The following MACF1 variants were observed in gnomAD, a reference collection of about 807,000 sequenced individuals.
The protein encoded by MACF1 is microtubule-actin cross-linking factor 1.
MACF1 carries 193 observed loss-of-function variants against 854.8 expected under a neutral mutation model. The observed-to-expected ratio is 0.23, with a 90% CI of 0.20 to 0.25. The LOEUF is 0.25. Ranked by LOEUF, MACF1 falls within the 10% of genes least tolerant of loss-of-function variation. The pLI, the probability that MACF1 is intolerant of heterozygous loss-of-function variation, is 1.00. For missense variants in MACF1, 7,722 were observed against 8,929.1 expected, an observed-to-expected ratio of 0.86 and a Z score of 5.45; for synonymous variants, 3,185 against 3,226.7, an observed-to-expected ratio of 0.99 and a Z score of 0.44.
At position 39,397,158 on chromosome 1, in the gene MACF1, CAGAT is replaced by C. The variant is rs547004231; in HGVS notation, c.15816+8503_15816+8506del. Among the ~76,000 whole-genome samples, 427 of 152,222 alleles carry C rather than the reference CAGAT, an allele frequency of 2.8e-3. 1 individual carries two copies. Among genetic ancestry groups the C allele is most frequent in the Non-Finnish European group, 5.0e-3 (341 of 68,012 alleles). On this transcript the variant is annotated intron_variant, in intron 58 of 100. Transcript: ENST00000564288. ...GTCCTTGTGGTGGGTACTGGAGTCT[CAGAT>C]AGTCTCTAGTTAACAGTGTACAGAT... is the stretch of plus-strand genomic sequence containing the variant.
At chr1:39,179,716 A>G (rs1438430436) in intron 2 of MACF1, among the ~76,000 whole-genome samples, 4 of 152,154 alleles carry the variant, frequency 2.6e-5, no homozygotes, top group Admixed American at 6.5e-5. Flanking sequence ...TTTATATATT[A>G]TAGTTTAAAG....
In MACF1 at chr1:39,335,872, G is replaced by C. The variant is rs534606541; in HGVS notation, c.9284G>C (p.Cys3095Ser). ...PEENLSREIA[C>S]GAQSEPFPCM... Reference sequence around the variant, plus strand: ...GAAAACTTATCTCGAGAAATTGCCTGTGGGGCCCAGAGTGAACCATTCCCT... The same window carrying C: ...GAAAACTTATCTCGAGAAATTGCCTCTGGGGCCCAGAGTGAACCATTCCCT... Residue 3095 changes from cysteine (C) to serine (S), a missense_variant, in exon 37 of 101, where the codon TGT becomes TCT. This residue lies in a region of MACF1 where 854 missense variants were observed against 852.6 expected (regional missense o/e 1.00). Coordinates refer to ENST00000564288, the MANE Select transcript of MACF1 (RefSeq NM_001394062.1). 1 of 1,614,072 alleles carries C rather than the reference G, an allele frequency of 6.2e-7. No homozygotes were observed. Among genetic ancestry groups the C allele is most frequent in the East Asian group, 2.2e-5 (1 of 44,876 alleles).
rs1298452452 is a variant in MACF1, at chr1:39,331,658, GTCTTA to G, written c.5076_5080del (p.Tyr1692Ter). On this transcript the variant is annotated frameshift_variant, in exon 37 of 101. Coordinates refer to ENST00000564288, the MANE Select transcript of MACF1 (RefSeq NM_001394062.1). LOFTEE classifies it high-confidence loss of function. Reference sequence around the variant, plus strand: ...CTGCATGGCTTCATTCAGTATTAGAGTCTTATCTTAGAACATCCAAGAATTTGATA... The same window carrying G: ...CTGCATGGCTTCATTCAGTATTAGAGTCTTAGAACATCCAAGAATTTGATA... 1.2e-6 allele frequency: 2 copies of G among 1,614,100 alleles called. No individual in the cohort carries two copies. Among genetic ancestry groups the G allele is most frequent in the Non-Finnish European group, 1.7e-6 (2 of 1,180,026 alleles).
chr1:39,375,226 T>C (rs545113901), intron 52 of MACF1, among the ~76,000 whole-genome samples: 1 of 152,302 alleles, frequency 6.6e-6, no homozygotes, highest in South Asian at 2.1e-4. Flanking sequence ...AGTAAGAATA[T>C]TGAGACTAAC....
chr1:39,377,050 G>A (rs1029341548), intron 52 of MACF1, among the ~76,000 whole-genome samples: 4 of 151,864 alleles, frequency 2.6e-5, no homozygotes, highest in East Asian at 1.9e-4. Flanking sequence ...TTGCTCTGTC[G>A]CCCAGACTGG....
chr1:39,442,983 G>A, intron 78 of MACF1, 72 bp downstream of exon 78: 1 of 1,448,588 alleles, frequency 6.9e-7, no homozygotes, highest in South Asian at 1.2e-5. Context: ...TCAGAGAGAA[G>A]AGATCAATTT....
intron 33 of MACF1, 92 bp downstream of exon 33, chr1:39,323,100 G>A (rs968477497): frequency 1.6e-6 from 2 of 1,218,576 alleles, no homozygotes; most frequent in Admixed American, 3.4e-5. Flanking sequence ...TGGTACCCAG[G>A]TGGCTGAGTT....
chr1:39,403,694 T>A (rs1318055242), intron 58 of MACF1, among the ~76,000 whole-genome samples: 9 of 152,178 alleles, frequency 5.9e-5, no homozygotes, highest in African/African-American at 2.2e-4. Context: ...GCCCTCTTCC[T>A]CATTTTTACT....
intron 2 of MACF1, 182 bp from the exon 3 acceptor site, chr1:39,249,831 TA>T (rs1645021000): frequency 6.2e-6 from 3 of 481,958 alleles, no homozygotes; most frequent in Non-Finnish European, 1.1e-5. Context: ...ACGTTTCTGG[TA>T]AAGTATTATC....
intron 40 of MACF1, among the ~76,000 whole-genome samples, chr1:39,342,257 C>T (rs1284956772): frequency 6.6e-6 from 1 of 152,050 alleles, no homozygotes. Context: ...GGATAGTATT[C>T]CATAAAATGT....
rs765554683 is a variant in MACF1 at position 39,429,917 on chromosome 1, C to T, written c.16979C>T (p.Thr5660Ile). 6 of 1,614,034 alleles carry T rather than the reference C, an allele frequency of 3.7e-6. No homozygotes were observed. Among genetic ancestry groups the T allele is most frequent in the Middle Eastern group, 1.6e-4 (1 of 6,082 alleles). Reference protein sequence around the residue: ...ITVTSSKALRTLEQARQLATK... With the variant: ...ITVTSSKALRILEQARQLATK... ...GTTACTAGCTCCAAGGCCCTCAGAA[C>T]TTTAGAGCAAGCCCGGCAGCTGGCC... Residue 5660 changes from threonine to isoleucine, a missense_variant, in exon 65 of 101, where the codon ACT becomes ATT. This residue lies in a region of MACF1 where 2,807 missense variants were observed against 3,235.8 expected (regional missense o/e 0.87). Transcript: ENST00000564288.
intron 100 of MACF1, chr1:39,485,298 A>G (rs967789482): frequency 4.0e-6 from 2 of 503,928 alleles, no homozygotes; most frequent in Non-Finnish European, 7.0e-6. Context: ...CTTTGGGGCC[A>G]TGGAAGGTGA....
At position 39,329,316 on chromosome 1, in the gene MACF1, T is replaced by C. The variant is rs1646674868; in HGVS notation, c.4615-1887T>C. On this transcript the variant is annotated intron_variant, in intron 36 of 100. Transcript: ENST00000564288. ...TTCATTTGCTATCCATTCTGTATTC[T>C]TATTGTATGCACCTCATCAAGCTTG... 2.6e-5 allele frequency among the ~76,000 whole-genome samples: 4 copies of C among 152,220 alleles called. 1 individual carries two copies. In the South Asian group the frequency reaches 8.3e-4, roughly 31 times the overall value.
intron 2 of MACF1, among the ~76,000 whole-genome samples, chr1:39,125,731 C>T (rs757152002): frequency 1.3e-5 from 2 of 152,168 alleles, no homozygotes; most frequent in Non-Finnish European, 2.9e-5. Context: ...ATAATTTAGG[C>T]CAGTAATCCC....
chr1:39,297,702 A>G lies in MACF1; in HGVS notation c.2438A>G (p.Asn813Ser), dbSNP rs1245955636. ...SIKRKYSCDH[N>S]TSLSRLEDLL... ...AAACGAAAATATTCCTGTGACCACA[A>G]CACCAGCTTATCCCGCCTTGAAGAC... is the stretch of plus-strand genomic sequence containing the variant. Residue 813 changes from asparagine (N) to serine (S), a missense_variant, in exon 21 of 101, where the codon AAC becomes AGC. Physicochemically the swap from Asn to Ser is conservative, Grantham distance 46. This residue lies in a region of MACF1 where 1,137 missense variants were observed against 1,263.0 expected (regional missense o/e 0.90). Coordinates refer to ENST00000564288, the MANE Select transcript of MACF1 (RefSeq NM_001394062.1). 3.1e-6 allele frequency: 5 copies of G among 1,614,190 alleles called. No homozygotes were observed. In the East Asian group the frequency reaches 6.7e-5, roughly 22 times the overall value.
At chr1:39,253,509 ATTT>A (rs34578005) in intron 4 of MACF1, among the ~76,000 whole-genome samples, 54 of 91,518 alleles carry the variant, frequency 5.9e-4, no homozygotes, top group African/African-American at 2.1e-3. Flanking sequence ...AGCTATCTGT[ATTT>A]TTTTTTTTTT....
chr1:39,200,702 G>GAA (rs968707803), upstream of MACF1, among the ~76,000 whole-genome samples: 1 of 130,840 alleles, frequency 7.6e-6, no homozygotes, highest in Non-Finnish European at 1.7e-5. Flanking sequence ...CCATCTCAGA[G>GAA]AAAAAAAAAA....
At chr1:39,279,016 T>G (rs547054463) in intron 6 of MACF1, among the ~76,000 whole-genome samples, 29 of 152,364 alleles carry the variant, frequency 1.9e-4, no homozygotes, top group African/African-American at 7.0e-4. Context: ...CTGCTTTTGT[T>G]GCTTTAGAAT....
chr1:39,385,048 A>T (rs528459235), intron 56 of MACF1, among the ~76,000 whole-genome samples: 7 of 152,258 alleles, frequency 4.6e-5, no homozygotes, highest in Admixed American at 1.3e-4. Context: ...GCACAATCCA[A>T]CATCAGTTTT....
Sources: gnomAD v4.1 joint callset for allele counts (sites outside exome capture counted in the v4.1 genomes callset) on GRCh38, gnomAD v4.1.1 for gene constraint, gnomAD v4.1.1 regional missense constraint, MANE v1.5 for transcripts, NCBI Gene and HGNC (gene_info 2026-07-23, HGNC 2026-07-21) for gene names.